The following BBS9 variants were observed in gnomAD, a reference collection of about 807,000 sequenced individuals.
BBS9 encodes the protein Bardet-Biedl syndrome 9.
In BBS9, 89 loss-of-function variants were observed where a neutral mutation model predicts 117.7. That is an observed-to-expected ratio of 0.76 (90% CI 0.64 to 0.90). BBS9 has a LOEUF of 0.90. Among genes scored for constraint, BBS9 ranks in the 40% least tolerant of loss-of-function variants. The pLI is 0.00. For synonymous variants in BBS9, 379 were observed against 370.9 expected (o/e 1.02, Z -0.25); for missense variants, 982 against 1,042.2 (o/e 0.94, Z 0.80).
chr7:33,488,937 C>A (rs1254203774), intron 19 of BBS9, among the ~76,000 whole-genome samples: 1 of 150,538 alleles, frequency 6.6e-6, no homozygotes, highest in Non-Finnish European at 1.5e-5. Context: ...TTGATAATAG[C>A]TGTAAGTGGC....
intron 19 of BBS9, among the ~76,000 whole-genome samples, chr7:33,426,811 G>C (rs1833725566): frequency 6.6e-6 from 1 of 152,156 alleles, no homozygotes; most frequent in Admixed American, 6.5e-5. Context: ...CAATTCTGCT[G>C]GGTGTCTTTT....
At chr7:33,392,015 A>G (rs1022519828) in intron 19 of BBS9, among the ~76,000 whole-genome samples, 3 of 152,194 alleles carry the variant, frequency 2.0e-5, no homozygotes, top group South Asian at 4.1e-4. Context: ...CTTCTATGCT[A>G]TGATTCTTTA....
chr7:33,414,906 A>C (rs1440094618), intron 19 of BBS9, among the ~76,000 whole-genome samples: 1 of 152,216 alleles, frequency 6.6e-6, no homozygotes, highest in Admixed American at 6.5e-5. Context: ...TATTTGGAAA[A>C]ATTATAATAA....
At chr7:33,497,444 C>A (rs898412415) in intron 19 of BBS9, among the ~76,000 whole-genome samples, 3 of 152,164 alleles carry the variant, frequency 2.0e-5, no homozygotes, top group Admixed American at 6.5e-5. Context: ...GTCTTATCAG[C>A]TGATATTTTT....
intron 18 of BBS9, among the ~76,000 whole-genome samples, chr7:33,386,704 C>T (rs1826092275): frequency 6.6e-6 from 1 of 151,868 alleles, no homozygotes; most frequent in Non-Finnish European, 1.5e-5. Flanking sequence ...CTGTGTTAGC[C>T]AGGATGGTCT....
chr7:33,449,005 C>A (rs572807388), intron 19 of BBS9, among the ~76,000 whole-genome samples: 138 of 152,318 alleles, frequency 9.1e-4, no homozygotes, highest in African/African-American at 2.7e-3. Context: ...GTAACTTGCA[C>A]AAGGTCACAC....
intron 21 of BBS9, among the ~76,000 whole-genome samples, chr7:33,555,534 G>A (rs919594326): frequency 6.6e-6 from 1 of 152,196 alleles, no homozygotes; most frequent in African/African-American, 2.4e-5. Context: ...CAGCAAGCGT[G>A]ATGAAGAGGA....
In BBS9 at chr7:33,556,974, G is replaced by T. The variant is rs544755815; in HGVS notation, c.2521+22798G>T. On this transcript the variant is annotated intron_variant, in intron 21 of 22. Coordinates refer to ENST00000242067, the MANE Select transcript of BBS9 (RefSeq NM_198428.3). ...GAAATGTAAGCTTTTCTATGTCTCT[G>T]ATCTTTATCTGGCTCATCAGTTATT... 5.3e-5 allele frequency among the ~76,000 whole-genome samples: 8 copies of T among 152,254 alleles called. No individual in the cohort carries two copies. The South Asian group carries it at 1.2e-3, about 24-fold the overall frequency.
chr7:33,316,363 G>A (rs570227808), intron 9 of BBS9, among the ~76,000 whole-genome samples: 19 of 152,168 alleles, frequency 1.2e-4, no homozygotes, highest in African/African-American at 4.1e-4. Context: ...AATCTCTTCT[G>A]TGTAAATCTT....
chr7:33,622,503 T>A (rs975953591), intron 21 of BBS9, among the ~76,000 whole-genome samples: 1 of 152,210 alleles, frequency 6.6e-6, no homozygotes, highest in East Asian at 1.9e-4. Context: ...ATATGTTAAT[T>A]AGCATTTCAC....
chr7:33,354,601 T>G (rs1178927031), intron 15 of BBS9, among the ~76,000 whole-genome samples: 1 of 152,136 alleles, frequency 6.6e-6, no homozygotes, highest in Non-Finnish European at 1.5e-5. Flanking sequence ...TCTAAAGGCA[T>G]TATATAGATG....
At chr7:33,549,079 T>G (rs13311143) in intron 21 of BBS9, among the ~76,000 whole-genome samples, 2 of 147,976 alleles carry the variant, frequency 1.4e-5, no homozygotes, top group Non-Finnish European at 3.0e-5. Context: ...CAAAACAGAG[T>G]TATAGATCAA....
intron 21 of BBS9, among the ~76,000 whole-genome samples, chr7:33,597,069 T>TCA (rs58511454): frequency 0.081 from 11,300 of 138,772 alleles, 458 homozygotes; most frequent in Middle Eastern, 0.11. Context: ...TCTCTCTCTG[T>TCA]CACACACACA....
intron 19 of BBS9, among the ~76,000 whole-genome samples, chr7:33,487,610 A>T (rs1189299027): frequency 1.3e-5 from 2 of 152,242 alleles, no homozygotes; most frequent in Non-Finnish European, 2.9e-5. Flanking sequence ...TTTGCATGAT[A>T]TCAAGCAAGC....
chr7:33,222,025 G>T (rs1485472123), intron 5 of BBS9, among the ~76,000 whole-genome samples: 4 of 152,072 alleles, frequency 2.6e-5, no homozygotes, highest in African/African-American at 9.7e-5. Context: ...AAATAAGGGG[G>T]TCTTTGTAAA....
intron 21 of BBS9, among the ~76,000 whole-genome samples, chr7:33,567,484 C>T (rs557171036): frequency 2.0e-5 from 3 of 152,240 alleles, no homozygotes; most frequent in African/African-American, 7.2e-5. Context: ...CATCACTTTC[C>T]ACTGATTGTC....
chr7:33,346,020 C>T (rs1817523432), intron 12 of BBS9, among the ~76,000 whole-genome samples: 4 of 152,116 alleles, frequency 2.6e-5, no homozygotes, highest in Admixed American at 2.6e-4. Context: ...TCCTTCTGTT[C>T]GTGGAACTTA....
chr7:33,250,802 T>G (rs1562877167), intron 5 of BBS9, among the ~76,000 whole-genome samples: 3 of 152,218 alleles, frequency 2.0e-5, no homozygotes, highest in Admixed American at 2.0e-4. Flanking sequence ...CAACAGACAT[T>G]TATTAATGTA....
intron 7 of BBS9, among the ~76,000 whole-genome samples, chr7:33,267,382 A>G (rs1411272067): frequency 1.3e-5 from 2 of 151,976 alleles, no homozygotes. Context: ...ATACTCTGCC[A>G]TTTAATTTTG....
Sources: allele counts gnomAD v4.1 joint callset (sites outside exome capture counted in the v4.1 genomes callset), GRCh38; gene constraint gnomAD v4.1.1; transcripts MANE v1.5; gene names NCBI Gene and HGNC (gene_info 2026-07-23, HGNC 2026-07-21).